Variants in WWOX observed in about 807,000 individuals in gnomAD.
The protein encoded by WWOX is WW domain-containing oxidoreductase.
Under a neutral mutation model 46.2 loss-of-function variants are expected in WWOX, and 69 were observed. That is an observed-to-expected ratio of 1.49 (90% CI 1.23 to 1.82). WWOX has a LOEUF of 1.82. Ranked by LOEUF, WWOX falls within the 40% of genes most tolerant of loss-of-function variation. The pLI, the probability that WWOX is intolerant of heterozygous loss-of-function variation, is 0.00. For synonymous variants in WWOX, 359 were observed against 202.6 expected, an observed-to-expected ratio of 1.77 and a Z score of -6.56; for missense variants, 919 against 542.6, an observed-to-expected ratio of 1.69 and a Z score of -6.89.
At chr16:78,709,563 C>G (rs755610781) in intron 8 of WWOX, among the ~76,000 whole-genome samples, 15 of 152,088 alleles carry the variant, frequency 9.9e-5, no homozygotes, top group African/African-American at 1.7e-4. Flanking sequence ...TGAACACTTG[C>G]CTGTCTGCAC....
intron 8 of WWOX, among the ~76,000 whole-genome samples, chr16:78,450,046 G>A (rs1435646551): frequency 6.6e-6 from 1 of 151,778 alleles, no homozygotes; most frequent in South Asian, 2.1e-4. Context: ...ATAACCACCC[G>A]TTACTTTGCT....
chr16:78,978,456 G>A (rs1194240953), intron 8 of WWOX, among the ~76,000 whole-genome samples: 2 of 152,144 alleles, frequency 1.3e-5, no homozygotes, highest in Non-Finnish European at 1.5e-5. Flanking sequence ...TCCCACCAGC[G>A]AAGTGCAGGG....
intron 8 of WWOX, among the ~76,000 whole-genome samples, chr16:79,035,573 C>T (rs890027996): frequency 6.6e-6 from 1 of 152,190 alleles, no homozygotes; most frequent in East Asian, 1.9e-4. Flanking sequence ...GAGTCTCACT[C>T]TATCATCCAG....
chr16:78,565,154 G>A (rs988847669), intron 8 of WWOX, among the ~76,000 whole-genome samples: 7 of 152,214 alleles, frequency 4.6e-5, no homozygotes, highest in African/African-American at 1.4e-4. Flanking sequence ...TTTGGCATTG[G>A]TGCCTCTAAG....
chr16:78,632,710 C>T (rs960829254), intron 8 of WWOX, among the ~76,000 whole-genome samples: 5 of 151,682 alleles, frequency 3.3e-5, no homozygotes, highest in Admixed American at 6.6e-5. Context: ...AGGTGTGCGC[C>T]ACCACGCCCA....
chr16:78,696,270 G>T (rs750016835), intron 8 of WWOX, among the ~76,000 whole-genome samples: 23 of 152,192 alleles, frequency 1.5e-4, no homozygotes, highest in East Asian at 5.8e-4. Flanking sequence ...GCCACATCAC[G>T]GGATTTTCTA....
At chr16:78,318,374 G>A (rs2080396859) in intron 5 of WWOX, among the ~76,000 whole-genome samples, 3 of 150,372 alleles carry the variant, frequency 2.0e-5, no homozygotes, top group South Asian at 4.2e-4. Flanking sequence ...ATAAAGGAGA[G>A]GTTGCTGTGA....
At chr16:78,272,369 A>T (rs1024707018) in intron 5 of WWOX, among the ~76,000 whole-genome samples, 11 of 152,186 alleles carry the variant, frequency 7.2e-5, no homozygotes, top group African/African-American at 2.7e-4. Flanking sequence ...ATATAGGGCC[A>T]TCAGATTTCT....
chr16:78,708,755 A>G (rs1019443708), intron 8 of WWOX, among the ~76,000 whole-genome samples: 13 of 152,206 alleles, frequency 8.5e-5, no homozygotes, highest in Non-Finnish European at 1.9e-4. Context: ...AAAAAGATAC[A>G]TGACGTTGAA....
At chr16:78,760,304 G>T (rs972233512) in intron 8 of WWOX, among the ~76,000 whole-genome samples, 2 of 152,182 alleles carry the variant, frequency 1.3e-5, no homozygotes, top group Non-Finnish European at 1.5e-5. Context: ...TCTCCCACCA[G>T]GGTCCCTCCC....
chr16:78,345,639 CAAAAAAA>C lies in WWOX; in HGVS notation c.517-41203_517-41197del, dbSNP rs1193432164. Among the ~76,000 whole-genome samples the C allele has an allele frequency of 4.0e-4, 10 of 25,018 alleles. 2 individuals are homozygous for C. Among genetic ancestry groups the C allele is most frequent in the Non-Finnish European group, 5.8e-4 (6 of 10,380 alleles). 16.4% of individuals were successfully genotyped at this position (25,018 alleles called of 152,430 possible). ...TGGGTGGCAGAGCAAGACCCTGTCT[CAAAAAAA>C]AAAAAAAAAAAAAAAAAGTAAAATA... is the stretch of plus-strand genomic sequence containing the variant. On this transcript the variant is annotated intron_variant, in intron 5 of 8. Coordinates refer to ENST00000566780, the MANE Select transcript of WWOX (RefSeq NM_016373.4).
chr16:78,527,151 G>T (rs72803904), intron 8 of WWOX, among the ~76,000 whole-genome samples: 1 of 151,924 alleles, frequency 6.6e-6, no homozygotes, highest in South Asian at 2.1e-4. Flanking sequence ...CAAAAAGAGC[G>T]GGGTAAAAAA....
At chr16:78,427,338 C>G (rs142013519) in intron 7 of WWOX, among the ~76,000 whole-genome samples, 32 of 152,284 alleles carry the variant, frequency 2.1e-4, no homozygotes, top group African/African-American at 3.1e-4. Context: ...ATCTGAGCAA[C>G]TGAATTGAGT....
intron 5 of WWOX, among the ~76,000 whole-genome samples, chr16:78,197,084 C>T (rs992145219): frequency 2.0e-5 from 3 of 152,294 alleles, no homozygotes; most frequent in South Asian, 2.1e-4. Context: ...GCACCAGACT[C>T]GTATCAGCCA....
At chr16:78,132,315 C>A (rs1415177771) in intron 4 of WWOX, among the ~76,000 whole-genome samples, 1 of 152,090 alleles carries the variant, frequency 6.6e-6, no homozygotes, top group Non-Finnish European at 1.5e-5. Flanking sequence ...CGTGAGCCAC[C>A]ACGCCCGGCC....
chr16:78,816,532 T>TTTTTTTTA (rs2051335204), intron 8 of WWOX, among the ~76,000 whole-genome samples: 1 of 99,392 alleles, frequency 1.0e-5, no homozygotes. Context: ...TTTTTTTTTT[T>TTTTTTTTA]GATACAATGA....
At chr16:78,571,835 T>G (rs997663555) in intron 8 of WWOX, among the ~76,000 whole-genome samples, 2 of 152,108 alleles carry the variant, frequency 1.3e-5, no homozygotes, top group African/African-American at 2.4e-5. Context: ...CACTATACTC[T>G]AGCCTGGGCA....
chr16:78,464,290 G>GA (rs2084021567), intron 8 of WWOX, among the ~76,000 whole-genome samples: 2 of 151,314 alleles, frequency 1.3e-5, no homozygotes, highest in Non-Finnish European at 3.0e-5. Context: ...GAGGCAAAAA[G>GA]AAAAAGGGAG....
intron 8 of WWOX, among the ~76,000 whole-genome samples, chr16:79,115,849 A>C (rs1293635656): frequency 6.6e-6 from 1 of 152,170 alleles, no homozygotes; most frequent in African/African-American, 2.4e-5. Flanking sequence ...CCCAATTCGG[A>C]TGTGTTAGAA....
Sources: gnomAD v4.1 joint callset for allele counts (sites outside exome capture counted in the v4.1 genomes callset) on GRCh38, gnomAD v4.1.1 for gene constraint, MANE v1.5 for transcripts, NCBI Gene and HGNC (gene_info 2026-07-23, HGNC 2026-07-21) for gene names.